XRN2: variants seen among roughly 807,000 people sequenced by gnomAD.
XRN2 encodes the protein 5'-3' exoribonuclease 2.
A neutral mutation model predicts 138.5 loss-of-function variants in XRN2; 44 were observed. The observed-to-expected ratio is 0.32, with a 90% CI of 0.25 to 0.41. XRN2 has a LOEUF of 0.41. Among genes scored for constraint, XRN2 ranks in the 10% least tolerant of loss-of-function variants. The pLI is 1.00. For synonymous variants in XRN2, 354 were observed against 369.4 expected, an observed-to-expected ratio of 0.96 and a Z score of 0.48; for missense variants, 937 against 1,169.3, an observed-to-expected ratio of 0.80 and a Z score of 2.90.
intron 29 of XRN2, 34 bp downstream of exon 29, chr20:21,387,040 A>G: frequency 6.4e-7 from 1 of 1,574,634 alleles, no homozygotes; most frequent in Non-Finnish European, 8.7e-7. Flanking sequence ...TATACTGCTC[A>G]CTTTATATTT....
Position 21,386,870 on chromosome 20 carries a change from G to C in XRN2, c.2651G>C (p.Gly884Ala). 1.2e-6 allele frequency: 2 copies of C among 1,610,958 alleles called. No homozygotes were observed. The highest frequency in any genetic ancestry group is 1.7e-6 in the Non-Finnish European group (2 of 1,177,344). Residue 884 changes from glycine to alanine, a missense_variant and splice_region_variant, in exon 29 of 30, where the codon GGC becomes GCC. Gly to Ala is a moderately conservative substitution (Grantham distance 60). Coordinates refer to ENST00000377191, the MANE Select transcript of XRN2 (RefSeq NM_012255.5). ...GTAAAACTGGTACTTTCCTACAGAG[G>C]CGTTGGGGCTGAACCTCTGCTCCCA... is the stretch of plus-strand genomic sequence containing the variant. Reference protein sequence around the residue: ...PLFQQQRFDRGVGAEPLLPWN... With the variant: ...PLFQQQRFDRAVGAEPLLPWN...
chr20:21,383,902 A>T (rs1181274437), intron 28 of XRN2, among the ~76,000 whole-genome samples: 1 of 152,234 alleles, frequency 6.6e-6, no homozygotes, highest in African/African-American at 2.4e-5. Context: ...TGTGAGCATA[A>T]TAGAGTTCTA....
In XRN2 at chr20:21,378,749, A is replaced by G. The variant is rs535864321; in HGVS notation, c.2585-3245A>G. Among the ~76,000 whole-genome samples, 212 of 152,320 alleles carry G rather than the reference A, an allele frequency of 1.4e-3. 1 individual carries two copies. The highest frequency in any genetic ancestry group is 4.4e-3 in the African/African-American group (185 of 41,582). Reference sequence around the variant, plus strand: ...TTATTCAGTCTAAAATATTTTTAGTATCATAATCATTTTCTTCGTGTAGTA... The same window carrying G: ...TTATTCAGTCTAAAATATTTTTAGTGTCATAATCATTTTCTTCGTGTAGTA... On this transcript the variant is annotated intron_variant, in intron 27 of 29. Transcript: ENST00000377191.
Position 21,348,376 on chromosome 20 carries a change from A to G in XRN2, c.1809A>G (p.Pro603=), listed in dbSNP as rs2038464973. ...KPLEQLMGVF[P]AASGNFLPPS... ...TAGAACAACTTATGGGGGTATTTCCAGCTGCAAGTGGTAATTTTCTACCTC... is the reference window on the plus strand; with the variant it reads ...TAGAACAACTTATGGGGGTATTTCCGGCTGCAAGTGGTAATTTTCTACCTC... The change falls in exon 19 of 30, where the codon CCA becomes CCG. Residue 603 remains proline, a synonymous_variant. Coordinates refer to ENST00000377191, the MANE Select transcript of XRN2 (RefSeq NM_012255.5). 6.2e-7 allele frequency: 1 copy of G among 1,614,062 alleles called. No individual in the cohort carries two copies. The highest frequency in any genetic ancestry group is 8.5e-7 in the Non-Finnish European group (1 of 1,180,000).
intron 27 of XRN2, among the ~76,000 whole-genome samples, chr20:21,377,257 G>GTTTTTTTTTTTTTTTTTTTTTTTTTTTT (rs1166479171): frequency 3.3e-5 from 1 of 30,316 alleles, no homozygotes; most frequent in Non-Finnish European, 5.7e-5. Context: ...TGATTTGTCG[G>GTTTTTTTTTTTTTTTTTTTTTTTTTTTT]TTTTTTCTTT....
At position 21,354,818 on chromosome 20, in the gene XRN2, C is replaced by T. The variant is rs139260983; in HGVS notation, c.1966C>T (p.Arg656Ter). The T allele has an allele frequency of 5.0e-6, 8 of 1,613,928 alleles. No individual in the cohort carries two copies. The highest frequency in any genetic ancestry group is 5.9e-6 in the Non-Finnish European group (7 of 1,179,938). The change falls in exon 21 of 30, where the codon CGA becomes TGA. Residue 656 changes from arginine (R) to a stop codon, truncating the protein, a stop_gained. Transcript: ENST00000377191. LOFTEE classifies it high-confidence loss of function. ...TGCTCTCTTGCCATTCGTGGATGAG[C>T]GAAGGCTACGAGCTGCCCTAGAAGA... is the stretch of plus-strand genomic sequence containing the variant. ...GVALLPFVDE[R>*]RLRAALEEVY...
At chr20:21,303,525 C>T (rs2037768010) in intron 1 of XRN2, 52 bp downstream of exon 1, 1 of 1,517,138 alleles carries the variant, frequency 6.6e-7, no homozygotes, top group Admixed American at 2.2e-5. Flanking sequence ...CCCGGCACGT[C>T]TAGGCCGCGG....
chr20:21,362,374 A>G (rs1306723667), intron 24 of XRN2, among the ~76,000 whole-genome samples: 1 of 151,540 alleles, frequency 6.6e-6, no homozygotes, highest in Non-Finnish European at 1.5e-5. Context: ...TACCTTGGCT[A>G]TTTCCTTCAT....
chr20:21,308,728 T>A (rs1024742011), intron 1 of XRN2, among the ~76,000 whole-genome samples: 2 of 152,236 alleles, frequency 1.3e-5, no homozygotes, highest in African/African-American at 4.8e-5. Flanking sequence ...AAATCCTTAG[T>A]TTGATATATC....
At chr20:21,322,581 A>G (rs151239724) in intron 1 of XRN2, among the ~76,000 whole-genome samples, 15 of 152,342 alleles carry the variant, frequency 9.8e-5, no homozygotes, top group East Asian at 3.9e-4. Flanking sequence ...AACAAAAACA[A>G]TGCATCTACT....
chr20:21,328,259 C>G (rs2038155091), intron 3 of XRN2, among the ~76,000 whole-genome samples: 1 of 152,112 alleles, frequency 6.6e-6, no homozygotes, highest in Admixed American at 6.5e-5. Flanking sequence ...ATCAAGCACC[C>G]TAACCGAGGG....
chr20:21,378,270 C>T (rs2038847556), intron 27 of XRN2, among the ~76,000 whole-genome samples: 2 of 152,056 alleles, frequency 1.3e-5, no homozygotes, highest in Admixed American at 6.6e-5. Context: ...GTTGTTAAAC[C>T]CCCCATCCAG....
At chr20:21,374,341 C>G (rs2038795080) in intron 27 of XRN2, among the ~76,000 whole-genome samples, 1 of 152,044 alleles carries the variant, frequency 6.6e-6, no homozygotes, top group South Asian at 2.1e-4. Flanking sequence ...ATTGCACAAG[C>G]TAGGACCTCT....
At chr20:21,338,945 T>C (rs2038335477) in intron 13 of XRN2, 99 bp from the exon 14 acceptor site, 2 of 1,206,696 alleles carry the variant, frequency 1.7e-6, no homozygotes, top group Non-Finnish European at 2.4e-6. Flanking sequence ...GGGGTCGTCC[T>C]TTAAAACTTA....
At chr20:21,350,646 C>T (rs1479347537) in intron 20 of XRN2, among the ~76,000 whole-genome samples, 1 of 151,010 alleles carries the variant, frequency 6.6e-6, no homozygotes, top group Non-Finnish European at 1.5e-5. Context: ...ATACATTTTC[C>T]TAGGGTAATA....
rs377309279 is a variant in XRN2, at chr20:21,356,106, G to C, written c.2047G>C (p.Val683Leu). 1 of 1,612,526 alleles carries C rather than the reference G, an allele frequency of 6.2e-7. No homozygotes were observed. The highest frequency in any genetic ancestry group is 1.3e-5 in the African/African-American group (1 of 74,814). The change falls in exon 22 of 30, where the codon GTC (valine) becomes CTC (leucine). Residue 683 changes from valine (V) to leucine (L), a missense_variant. This residue lies in a region of XRN2 where 372 missense variants were observed against 414.4 expected (regional missense o/e 0.90). Transcript: ENST00000377191. ...ETRRNSLGGDVLFVGKHHPLH... is the reference protein window; with the variant it reads ...ETRRNSLGGDLLFVGKHHPLH... ...CAGAAGAAACAGCCTTGGAGGTGAT[G>C]TCTTATTTGTGGGGAAACATCACCC...
chr20:21,373,299 C>T lies in XRN2; in HGVS notation c.2584+4709C>T, dbSNP rs539273397. ...CCGCGATTACAGGCATGAGCCACCG[C>T]GCCCAGCAGTTCATCTGTTTTCATT... On this transcript the variant is annotated intron_variant, in intron 27 of 29. Transcript: ENST00000377191. 4.6e-5 allele frequency among the ~76,000 whole-genome samples: 7 copies of T among 152,328 alleles called. No individual in the cohort carries two copies. In the South Asian group the frequency reaches 1.2e-3, roughly 27 times the overall value.
rs368940644 is a variant in XRN2, at chr20:21,343,596, A to G, written c.1411-494A>G. 5.3e-5 allele frequency among the ~76,000 whole-genome samples: 8 copies of G among 150,578 alleles called. No homozygotes were observed. The East Asian group carries it at 1.6e-3, about 29-fold the overall frequency. ...TTCTCACCAGCATTGACTATTTTAT[A>G]TATTATTACATCTATATTATTATAT... On this transcript the variant is annotated intron_variant, in intron 15 of 29. Transcript: ENST00000377191.
At chr20:21,317,226 ATTTTTTTGTTTGTTTGTTTTTGT>A (rs2037971639) in intron 1 of XRN2, among the ~76,000 whole-genome samples, 2 of 151,722 alleles carry the variant, frequency 1.3e-5, no homozygotes, top group Admixed American at 1.3e-4. Flanking sequence ...CTGTTAGGTT[ATTTTTTTGTTTGTTTGTTTTTGT>A]TTTTGCAGAT....
Sources: gnomAD v4.1 joint callset for allele counts (sites outside exome capture counted in the v4.1 genomes callset) on GRCh38, gnomAD v4.1.1 for gene constraint, gnomAD v4.1.1 regional missense constraint, MANE v1.5 for transcripts, NCBI Gene and HGNC (gene_info 2026-07-23, HGNC 2026-07-21) for gene names.